UGT1A9: variants seen among roughly 807,000 people sequenced by gnomAD.
UGT1A9 encodes the protein UDP-glucuronosyltransferase 1A9.
Under a neutral mutation model 45.0 loss-of-function variants are expected in UGT1A9, and 35 were observed. The ratio of observed to expected loss-of-function variants is 0.78; its 90% confidence interval spans 0.59 to 1.03. The LOEUF (loss-of-function observed/expected upper bound fraction) is 1.03. UGT1A9 is among the 50% of genes least tolerant of loss of function. The probability of loss-of-function intolerance (pLI) is 0.00; values close to 1 mark genes in which losing one functional copy is unlikely to be tolerated. For missense variants in UGT1A9, 687 were observed against 666.6 expected (o/e 1.03, Z -0.34); for synonymous variants, 278 against 250.6 (o/e 1.11, Z -1.03).
At chr2:233,708,925 C>A (rs2076048288) in intron 1 of UGT1A9, among the ~76,000 whole-genome samples, 3 of 152,110 alleles carry the variant, frequency 2.0e-5, no homozygotes, top group Admixed American at 2.0e-4. Context: ...TGCTACAGAG[C>A]CAAACTATGT....
intron 1 of UGT1A9, chr2:233,719,813 A>C: frequency 6.3e-7 from 1 of 1,586,286 alleles, no homozygotes; most frequent in Non-Finnish European, 8.6e-7. Context: ...TCTTTATAAC[A>C]GATAAACTGT....
intron 1 of UGT1A9, among the ~76,000 whole-genome samples, chr2:233,710,223 G>T (rs1158018744): frequency 1.3e-5 from 2 of 152,178 alleles, no homozygotes; most frequent in Non-Finnish European, 2.9e-5. Flanking sequence ...GAATAAAGCT[G>T]CTATGACTAT....
At chr2:233,682,886 C>T (rs2074605212) in intron 1 of UGT1A9, 4 of 1,509,966 alleles carry the variant, frequency 2.6e-6, no homozygotes, top group Non-Finnish European at 2.6e-6. Flanking sequence ...TACATTTGTC[C>T]CATTTGGAAT....
Position 233,729,631 on chromosome 2 carries a change from A to G in UGT1A9, c.856-37403A>G, listed in dbSNP as rs141036072. The stretch of plus-strand genomic sequence containing the variant: ...GCTGGCTAAGTACCTGTCGATTCCT[A>G]CTGTGTTTTTTTTGAGGAACATTCC... On this transcript the variant is annotated intron_variant, in intron 1 of 4. Coordinates refer to ENST00000354728, the MANE Select transcript of UGT1A9 (RefSeq NM_021027.3). 1,000 of 1,613,764 alleles carry G rather than the reference A, an allele frequency of 6.2e-4. 4 individuals are homozygous for G. The highest frequency in any genetic ancestry group is 6.0e-4 in the Non-Finnish European group (708 of 1,179,854).
chr2:233,739,804 C>T (rs901133058), intron 1 of UGT1A9, among the ~76,000 whole-genome samples: 1 of 152,002 alleles, frequency 6.6e-6, no homozygotes, highest in Non-Finnish European at 1.5e-5. Flanking sequence ...GTTGGGAAGG[C>T]ATGATTGGTT....
chr2:233,731,908 A>T (rs2078219373), intron 1 of UGT1A9, among the ~76,000 whole-genome samples: 1 of 152,202 alleles, frequency 6.6e-6, no homozygotes, highest in African/African-American at 2.4e-5. Flanking sequence ...CCAATGGTGT[A>T]AAAGTGTTCC....
intron 1 of UGT1A9, chr2:233,754,848 A>G (rs1437174207): frequency 7.4e-7 from 1 of 1,344,734 alleles, no homozygotes; most frequent in African/African-American, 1.5e-5. Flanking sequence ...GAAGGCAGAG[A>G]AAAGGGGTGC....
At chr2:233,725,020 A>T (rs1183477973) in intron 1 of UGT1A9, among the ~76,000 whole-genome samples, 2 of 147,776 alleles carry the variant, frequency 1.4e-5, no homozygotes. Flanking sequence ...AAACAGCAAA[A>T]CCCGGTCTCC....
chr2:233,686,222 A>G (rs1305153214), intron 1 of UGT1A9, among the ~76,000 whole-genome samples: 2 of 151,976 alleles, frequency 1.3e-5, no homozygotes, highest in Admixed American at 6.6e-5. Context: ...AATATTTGTG[A>G]CCTTGGATTT....
At chr2:233,749,249 T>C (rs1694152253) in intron 1 of UGT1A9, among the ~76,000 whole-genome samples, 1 of 151,932 alleles carries the variant, frequency 6.6e-6, no homozygotes, top group Non-Finnish European at 1.5e-5. Flanking sequence ...AACCACATGA[T>C]TTTTTTATTG....
intron 1 of UGT1A9, among the ~76,000 whole-genome samples, chr2:233,687,032 G>A (rs1469264089): frequency 2.0e-5 from 3 of 152,216 alleles, no homozygotes; most frequent in Non-Finnish European, 2.9e-5. Flanking sequence ...GTTCAATGTA[G>A]TGTTTGAGCA....
chr2:233,772,287 T>C lies in UGT1A9; in HGVS notation c.1321T>C (p.Ser441Pro), dbSNP rs1575870013. 1 of 1,614,254 alleles carries C rather than the reference T, an allele frequency of 6.2e-7. No individual in the cohort carries two copies. ...TTACAAGGAGAACATCATGCGCCTC[T>C]CCAGCCTTCACAAGGACCGCCCGGT... ...KSYKENIMRL[S>P]SLHKDRPVEP... is the part of the protein sequence containing the mutation. The change falls in exon 5 of 5, where the codon TCC (serine) becomes CCC (proline). Residue 441 changes from serine (S) to proline (P), a missense_variant. Transcript: ENST00000354728.
chr2:233,683,338 A>T (rs2074629044), intron 1 of UGT1A9, among the ~76,000 whole-genome samples: 1 of 152,170 alleles, frequency 6.6e-6, no homozygotes, highest in Admixed American at 6.5e-5. Flanking sequence ...TAATAATTGC[A>T]TGGTAGTCTT....
chr2:233,715,168 G>T (rs926967380), intron 1 of UGT1A9, among the ~76,000 whole-genome samples: 1 of 152,054 alleles, frequency 6.6e-6, no homozygotes, highest in African/African-American at 2.4e-5. Flanking sequence ...TTACAGGCGC[G>T]AGCCACCACA....
chr2:233,748,602 G>C (rs1484667450), intron 1 of UGT1A9, among the ~76,000 whole-genome samples: 1 of 151,816 alleles, frequency 6.6e-6, no homozygotes, highest in Non-Finnish European at 1.5e-5. Flanking sequence ...AGTGGAAGTA[G>C]AGCAACGAAC....
Position 233,767,180 on chromosome 2 carries a change from T to C in UGT1A9, c.987+15T>C, listed in dbSNP as rs4148327. 1,996 of 1,614,008 alleles carry C rather than the reference T, an allele frequency of 1.2e-3. 35 individuals are homozygous for C. In the East Asian group the frequency reaches 0.04, roughly 32 times the overall value. On this transcript the variant is annotated intron_variant, in intron 2 of 4. Transcript: ENST00000354728. Reference sequence around the variant, plus strand: ...TCCCTCAGACAGTAAGAAGATTCTATACCATGGCCTCATATCTATTTTCAC... The same window carrying C: ...TCCCTCAGACAGTAAGAAGATTCTACACCATGGCCTCATATCTATTTTCAC...
intron 1 of UGT1A9, among the ~76,000 whole-genome samples, chr2:233,700,884 C>T (rs1424679595): frequency 6.6e-6 from 1 of 151,996 alleles, no homozygotes; most frequent in Admixed American, 6.6e-5. Flanking sequence ...CCCCCCACCC[C>T]ACAACAGTCC....
chr2:233,672,854 T>C lies in UGT1A9; in HGVS notation c.855+65T>C. On this transcript the variant is annotated intron_variant, in intron 1 of 4. Coordinates refer to ENST00000354728, the MANE Select transcript of UGT1A9 (RefSeq NM_021027.3). ...CTTTGGAAATTAAAAAAGGATTCTTTACTGAACTGTGATTTGACATTTTCA... is the reference window on the plus strand; with the variant it reads ...CTTTGGAAATTAAAAAAGGATTCTTCACTGAACTGTGATTTGACATTTTCA... 5 of 1,537,488 alleles carry C rather than the reference T, an allele frequency of 3.3e-6. No individual in the cohort carries two copies. The South Asian group carries it at 5.2e-5, about 16-fold the overall frequency.
intron 2 of UGT1A9, among the ~76,000 whole-genome samples, chr2:233,767,377 A>C (rs897397722): frequency 2.0e-5 from 3 of 152,190 alleles, no homozygotes; most frequent in Non-Finnish European, 4.4e-5. Context: ...ACTATGATCC[A>C]CCACACTCAG....
Sources: allele counts gnomAD v4.1 joint callset (sites outside exome capture counted in the v4.1 genomes callset), GRCh38; gene constraint gnomAD v4.1.1; transcripts MANE v1.5; gene names NCBI Gene and HGNC (gene_info 2026-07-23, HGNC 2026-07-21).